Variants in LMTK2 observed in about 807,000 individuals in gnomAD.
The protein encoded by LMTK2 is lemur tail kinase 2, also known as serine/threonine-protein kinase LMTK2.
LMTK2 carries 37 observed loss-of-function variants against 127.5 expected under a neutral mutation model. The observed-to-expected ratio is 0.29, with a 90% CI of 0.22 to 0.38. LMTK2 has a LOEUF of 0.38. Among genes scored for constraint, LMTK2 ranks in the 10% least tolerant of loss-of-function variants. The probability of loss-of-function intolerance (pLI) is 1.00; values close to 1 mark genes in which losing one functional copy is unlikely to be tolerated. For synonymous variants in LMTK2, 819 were observed against 810.1 expected (o/e 1.01, Z -0.19); for missense variants, 1,694 against 1,920.3 (o/e 0.88, Z 2.20).
chr7:98,137,196 C>A, intron 1 of LMTK2, 119 bp from the exon 2 acceptor site: 2 of 887,120 alleles, frequency 2.3e-6, no homozygotes, highest in Non-Finnish European at 1.7e-6. Context: ...AGCTTTTTCT[C>A]GAGCATTATT....
chr7:98,198,042 T>C (rs546520389), intron 11 of LMTK2, among the ~76,000 whole-genome samples: 1 of 152,306 alleles, frequency 6.6e-6, no homozygotes, highest in Non-Finnish European at 1.5e-5. Flanking sequence ...TTTGTTGATC[T>C]TTCCAAAAAA....
intron 2 of LMTK2, among the ~76,000 whole-genome samples, chr7:98,139,043 A>T (rs576112243): frequency 6.6e-6 from 1 of 152,360 alleles, no homozygotes; most frequent in South Asian, 2.1e-4. Context: ...AGGAAGCTAC[A>T]GTCTGGTAAC....
At chr7:98,134,405 A>G (rs1472255014) in intron 1 of LMTK2, among the ~76,000 whole-genome samples, 2 of 152,196 alleles carry the variant, frequency 1.3e-5, no homozygotes, top group Non-Finnish European at 2.9e-5. Flanking sequence ...TTACAATCCA[A>G]ATGCGTCTTT....
At chr7:98,136,214 C>T (rs1029166411) in intron 1 of LMTK2, among the ~76,000 whole-genome samples, 3 of 151,996 alleles carry the variant, frequency 2.0e-5, no homozygotes, top group Admixed American at 6.5e-5. Context: ...GATTACAGCC[C>T]GGAGAATAAA....
At chr7:98,190,092 A>G (rs1797499512) in intron 9 of LMTK2, among the ~76,000 whole-genome samples, 1 of 152,018 alleles carries the variant, frequency 6.6e-6, no homozygotes, top group Admixed American at 6.6e-5. Flanking sequence ...GGTCTTTCCA[A>G]TAATTTATTG....
intron 6 of LMTK2, among the ~76,000 whole-genome samples, chr7:98,160,596 T>G (rs1328145918): frequency 6.6e-6 from 1 of 152,216 alleles, no homozygotes. Flanking sequence ...TGTTGTTCCT[T>G]AAAGCATTCT....
At chr7:98,119,328 A>G (rs1181936216) in intron 1 of LMTK2, among the ~76,000 whole-genome samples, 1 of 152,174 alleles carries the variant, frequency 6.6e-6, no homozygotes, top group Non-Finnish European at 1.5e-5. Flanking sequence ...GGAAAGGAGG[A>G]AAACATTCCA....
chr7:98,190,674 TA>T, intron 9 of LMTK2, 53 bp from the exon 10 acceptor site: 3 of 1,578,110 alleles, frequency 1.9e-6, no homozygotes, highest in Non-Finnish European at 1.7e-6. Flanking sequence ...GTATGAGTGT[TA>T]AAAATTTGAC....
At chr7:98,164,321 G>A (rs1176973281) in intron 6 of LMTK2, among the ~76,000 whole-genome samples, 1 of 152,168 alleles carries the variant, frequency 6.6e-6, no homozygotes, top group African/African-American at 2.4e-5. Context: ...AAAATGGATT[G>A]AGCAAATTCG....
chr7:98,135,813 C>A (rs186269374), intron 1 of LMTK2, among the ~76,000 whole-genome samples: 2 of 151,096 alleles, frequency 1.3e-5, no homozygotes, highest in East Asian at 3.9e-4. Context: ...AAAGGCCAGG[C>A]GGTAAAATAT....
chr7:98,173,867 T>C (rs1304039385), intron 7 of LMTK2, among the ~76,000 whole-genome samples: 1 of 152,120 alleles, frequency 6.6e-6, no homozygotes, highest in Non-Finnish European at 1.5e-5. Context: ...CTGTCCTGGC[T>C]AACACGGTGA....
chr7:98,207,511 T>A lies in LMTK2; in HGVS notation c.*2019T>A, dbSNP rs980724508. On this transcript the variant is annotated 3_prime_UTR_variant, in exon 14 of 14. Transcript: ENST00000297293. ...CTGTCTCGGGATGCGCGAATTTTTT[T>A]TTTTTTTTTAATTAACAGGGCATTA... 6.6e-6 allele frequency: 1 copy of A among 151,942 alleles called. No individual in the cohort carries two copies. Among genetic ancestry groups the A allele is most frequent in the African/African-American group, 2.4e-5 (1 of 41,354 alleles). 9.4% of individuals were successfully genotyped at this position (151,942 alleles called of 1,614,324 possible).
At chr7:98,116,240 G>A (rs960304323) in intron 1 of LMTK2, among the ~76,000 whole-genome samples, 1 of 152,126 alleles carries the variant, frequency 6.6e-6, no homozygotes, top group Non-Finnish European at 1.5e-5. Flanking sequence ...TGCAAGGACC[G>A]TGTCTTATAT....
chr7:98,180,412 G>A (rs1797338370), intron 7 of LMTK2, among the ~76,000 whole-genome samples: 1 of 151,850 alleles, frequency 6.6e-6, no homozygotes, highest in Admixed American at 6.6e-5. Context: ...TTTTTTATTC[G>A]TATACCAGTT....
intron 1 of LMTK2, among the ~76,000 whole-genome samples, chr7:98,118,933 A>G (rs1796323802): frequency 6.6e-6 from 1 of 152,176 alleles, no homozygotes; most frequent in African/African-American, 2.4e-5. Flanking sequence ...TCTACTAAAA[A>G]TACAAAAAAT....
intron 1 of LMTK2, among the ~76,000 whole-genome samples, chr7:98,108,573 TC>T (rs1796151711): frequency 6.6e-6 from 1 of 152,212 alleles, no homozygotes; most frequent in South Asian, 2.1e-4. Context: ...AATTCTGTTT[TC>T]TGATCCGATA....
At chr7:98,181,126 A>C (rs952338601) in intron 7 of LMTK2, among the ~76,000 whole-genome samples, 2 of 151,276 alleles carry the variant, frequency 1.3e-5, no homozygotes, top group African/African-American at 4.8e-5. Context: ...AGCTCAGTTG[A>C]GGGAGAACTT....
rs188101237 is a variant in LMTK2, at chr7:98,151,498, C to T, written c.450+43C>T. The T allele has an allele frequency of 6.4e-4, 919 of 1,427,940 alleles. 2 individuals are homozygous for T. In the African/African-American group the frequency reaches 0.012, roughly 18 times the overall value. The allele number at this position is 1,427,940 out of a possible 1,614,324, so 88.5% of individuals were successfully genotyped here. Reference sequence around the variant, plus strand: ...TGCATTTGTTTTCCTCTGAATGATACTGTGTTCAGTGCAGGGCTGATGAAG... The same window carrying T: ...TGCATTTGTTTTCCTCTGAATGATATTGTGTTCAGTGCAGGGCTGATGAAG... On this transcript the variant is annotated intron_variant, in intron 4 of 13. Transcript: ENST00000297293.
intron 2 of LMTK2, among the ~76,000 whole-genome samples, chr7:98,140,106 C>G (rs1584257770): frequency 7.3e-4 from 2 of 2,746 alleles, no homozygotes; most frequent in Non-Finnish European, 7.0e-4. Flanking sequence ...TTCTTTCTTT[C>G]TTTCTTTCTT....
Sources: allele counts gnomAD v4.1 joint callset (sites outside exome capture counted in the v4.1 genomes callset), GRCh38; gene constraint gnomAD v4.1.1; transcripts MANE v1.5; gene names NCBI Gene and HGNC (gene_info 2026-07-23, HGNC 2026-07-21).